KLHL1: variants seen among roughly 807,000 people sequenced by gnomAD.
KLHL1 encodes kelch like family member 1.
A neutral mutation model predicts 77.7 loss-of-function variants in KLHL1; 47 were observed. The observed-to-expected ratio is 0.60, with a 90% CI of 0.48 to 0.77. The LOEUF is 0.77. Ranked by LOEUF, KLHL1 falls within the 30% of genes least tolerant of loss-of-function variation. The pLI is 0.00. For synonymous variants in KLHL1, 360 were observed against 325.2 expected, an observed-to-expected ratio of 1.11 and a Z score of -1.15; for missense variants, 925 against 910.8, an observed-to-expected ratio of 1.02 and a Z score of -0.20.
At chr13:70,012,087 C>G (rs1384218312) in intron 1 of KLHL1, among the ~76,000 whole-genome samples, 2 of 152,054 alleles carry the variant, frequency 1.3e-5, no homozygotes, top group Non-Finnish European at 2.9e-5. Flanking sequence ...AGACCCACCC[C>G]CATGATTCCA....
chr13:69,968,294 C>A (rs553193249), intron 2 of KLHL1, among the ~76,000 whole-genome samples: 1 of 151,748 alleles, frequency 6.6e-6, no homozygotes, highest in Admixed American at 6.6e-5. Flanking sequence ...TGCTACTGCA[C>A]ACTTATTAGA....
At chr13:69,934,990 G>GTA (rs1397119737) in intron 4 of KLHL1, among the ~76,000 whole-genome samples, 1 of 95,588 alleles carries the variant, frequency 1.0e-5, no homozygotes, top group Non-Finnish European at 2.0e-5. Context: ...ATATATATAT[G>GTA]TATATATATA....
At chr13:69,831,521 C>T (rs1270436503) in intron 6 of KLHL1, among the ~76,000 whole-genome samples, 1 of 149,736 alleles carries the variant, frequency 6.7e-6, no homozygotes, top group African/African-American at 2.5e-5. Context: ...ATCAGATATT[C>T]AAGGAAGAAT....
At chr13:69,846,680 T>C (rs1879471039) in intron 5 of KLHL1, among the ~76,000 whole-genome samples, 1 of 151,420 alleles carries the variant, frequency 6.6e-6, no homozygotes, top group African/African-American at 2.4e-5. Flanking sequence ...TTAAATTTGT[T>C]ACTATAATAC....
intron 6 of KLHL1, among the ~76,000 whole-genome samples, chr13:69,821,826 C>A (rs1353841594): frequency 1.3e-5 from 2 of 152,076 alleles, no homozygotes; most frequent in Admixed American, 6.5e-5. Flanking sequence ...TTTCGACTAA[C>A]TTTTTTGCTT....
chr13:69,755,456 T>C (rs904544191), intron 7 of KLHL1, among the ~76,000 whole-genome samples: 1 of 151,964 alleles, frequency 6.6e-6, no homozygotes, highest in African/African-American at 2.4e-5. Flanking sequence ...AGTTCAAAAG[T>C]GAAATAACAC....
intron 4 of KLHL1, among the ~76,000 whole-genome samples, chr13:69,901,865 T>C (rs1446334157): frequency 6.6e-6 from 1 of 150,534 alleles, no homozygotes; most frequent in Non-Finnish European, 1.5e-5. Flanking sequence ...TGGCGCCATC[T>C]TGGCTCAATG....
At chr13:69,924,005 G>C (rs1209692140) in intron 4 of KLHL1, among the ~76,000 whole-genome samples, 1 of 152,218 alleles carries the variant, frequency 6.6e-6, no homozygotes, top group East Asian at 1.9e-4. Context: ...CACAGTTGAG[G>C]CTAAGCCCGA....
intron 7 of KLHL1, among the ~76,000 whole-genome samples, chr13:69,748,356 T>C (rs1269099486): frequency 1.3e-5 from 2 of 152,026 alleles, no homozygotes; most frequent in Admixed American, 6.6e-5. Context: ...CTCAGAATCA[T>C]GGCAGGAGGT....
chr13:69,851,579 T>C (rs1879693159), intron 5 of KLHL1, among the ~76,000 whole-genome samples: 1 of 151,884 alleles, frequency 6.6e-6, no homozygotes, highest in Non-Finnish European at 1.5e-5. Context: ...TAGCATTTGA[T>C]ACATATTTTT....
intron 3 of KLHL1, among the ~76,000 whole-genome samples, chr13:69,958,965 G>T (rs564046221): frequency 6.6e-6 from 1 of 151,940 alleles, no homozygotes; most frequent in East Asian, 1.9e-4. Flanking sequence ...TTGTTACATT[G>T]TATATGACAA....
At chr13:69,740,789 C>T (rs1280730949) in intron 7 of KLHL1, among the ~76,000 whole-genome samples, 1 of 152,108 alleles carries the variant, frequency 6.6e-6, no homozygotes, top group Non-Finnish European at 1.5e-5. Context: ...ATTACAATCT[C>T]ATAGAAACTA....
intron 1 of KLHL1, among the ~76,000 whole-genome samples, chr13:70,013,168 T>A (rs1885578251): frequency 6.6e-6 from 1 of 151,824 alleles, no homozygotes; most frequent in Non-Finnish European, 1.5e-5. Context: ...ACTCACATGA[T>A]AAAGAAGAAA....
intron 1 of KLHL1, among the ~76,000 whole-genome samples, chr13:70,048,890 G>T (rs1373662768): frequency 6.6e-6 from 1 of 152,170 alleles, no homozygotes; most frequent in African/African-American, 2.4e-5. Flanking sequence ...TACTTTGAAA[G>T]GGGCAGAAAG....
At chr13:69,989,487 T>C (rs964875494) in intron 1 of KLHL1, among the ~76,000 whole-genome samples, 5 of 152,078 alleles carry the variant, frequency 3.3e-5, no homozygotes, top group African/African-American at 1.2e-4. Flanking sequence ...GTTTTTTTAG[T>C]TCTGTGAAGA....
At chr13:69,750,138 T>G (rs1874408731) in intron 7 of KLHL1, among the ~76,000 whole-genome samples, 1 of 151,676 alleles carries the variant, frequency 6.6e-6, no homozygotes, top group Non-Finnish European at 1.5e-5. Context: ...TTATTCATCA[T>G]ATTAGTCACA....
chr13:69,939,969 A>G, intron 4 of KLHL1, 71 bp downstream of exon 4: 4 of 1,226,740 alleles, frequency 3.3e-6, no homozygotes, highest in Non-Finnish European at 4.5e-6. Context: ...TGCTAATGCC[A>G]TGACAGTAAT....
intron 6 of KLHL1, among the ~76,000 whole-genome samples, chr13:69,820,345 T>C (rs1453738849): frequency 6.6e-6 from 1 of 152,146 alleles, no homozygotes; most frequent in Non-Finnish European, 1.5e-5. Context: ...TACTACTAAC[T>C]CTTCAGTCCA....
chr13:70,048,959 T>C (rs1471847824), intron 1 of KLHL1, among the ~76,000 whole-genome samples: 4 of 152,204 alleles, frequency 2.6e-5, no homozygotes, highest in Admixed American at 6.5e-5. Context: ...TCTACTTTTG[T>C]TTTGCTTGGA....
Sources: allele counts gnomAD v4.1 joint callset (sites outside exome capture counted in the v4.1 genomes callset), GRCh38; gene constraint gnomAD v4.1.1; transcripts MANE v1.5; gene names NCBI Gene and HGNC (gene_info 2026-07-23, HGNC 2026-07-21).